Variants in KRT34 observed in about 807,000 individuals in gnomAD.
The protein encoded by KRT34 is keratin 34, also known as keratin, type I cuticular Ha4.
In KRT34, 31 loss-of-function variants were observed where a neutral mutation model predicts 41.7. That is an observed-to-expected ratio of 0.74 (90% CI 0.56 to 1.00). KRT34 has a LOEUF of 1.00. KRT34 is among the 50% of genes least tolerant of loss of function. KRT34 has a pLI of 0.00. For synonymous variants in KRT34, 224 were observed against 212.9 expected, an observed-to-expected ratio of 1.05 and a Z score of -0.45; for missense variants, 523 against 500.3, an observed-to-expected ratio of 1.05 and a Z score of -0.43.
chr17:41,382,504 G>A, upstream of KRT34: 1 of 769,762 alleles, frequency 1.3e-6, no homozygotes, highest in South Asian at 1.9e-5. Context: ...CTGGGTGCTA[G>A]TGGTTGGTGA....
chr17:41,380,654 G>T (rs1429340628), intron 3 of KRT34, among the ~76,000 whole-genome samples: 4 of 152,150 alleles, frequency 2.6e-5, no homozygotes, highest in Admixed American at 2.0e-4. Context: ...CATCTCATAT[G>T]GTACTTGTTT....
In KRT34 at chr17:41,379,420, G is replaced by A. The variant is rs112570296; in HGVS notation, c.809C>T (p.Ala270Val). The change falls in exon 5 of 7, where the codon GCG becomes GTG. Residue 270 changes from alanine to valine, a missense_variant. Transcript: ENST00000394001. ...TGTGCGTCTCAGCTCGATGATCTCCGCCTGGCAGGACTGCAGCTGCTCTGA... is the reference window on the plus strand; with the variant it reads ...TGTGCGTCTCAGCTCGATGATCTCCACCTGGCAGGACTGCAGCTGCTCTGA... ...SSSEQLQSCQ[A>V]EIIELRRTVN... The A allele has an allele frequency of 0.013, 21,476 of 1,613,944 alleles. 201 individuals carry two copies. The highest frequency in any genetic ancestry group is 0.014 in the Non-Finnish European group (16,980 of 1,180,028).
upstream of KRT34, among the ~76,000 whole-genome samples, chr17:41,383,344 C>T (rs2018035137): frequency 6.6e-6 from 1 of 152,158 alleles, no homozygotes; most frequent in South Asian, 2.1e-4. Flanking sequence ...GGAACACAGC[C>T]ATGCCCATTT....
upstream of KRT34, among the ~76,000 whole-genome samples, chr17:41,382,701 T>C (rs530771307): frequency 1.4e-3 from 206 of 152,298 alleles, 2 homozygotes; most frequent in Non-Finnish European, 2.3e-3. Flanking sequence ...GAGAGAGAGC[T>C]TTGAGAGTTA....
At chr17:41,379,757 A>G (rs756419013) in intron 3 of KRT34, 26 bp from the exon 4 acceptor site, 4 of 1,570,166 alleles carry the variant, frequency 2.5e-6, no homozygotes, top group Non-Finnish European at 3.4e-6. Context: ...GAAACAATGA[A>G]CCTACGGCAA....
intron 3 of KRT34, among the ~76,000 whole-genome samples, chr17:41,380,590 G>C (rs1272447587): frequency 1.3e-5 from 2 of 152,170 alleles, no homozygotes; most frequent in Non-Finnish European, 1.5e-5. Flanking sequence ...TCTGAGAAGA[G>C]TTCCCTATCT....
At chr17:41,383,403 G>A (rs997280639), upstream of KRT34, among the ~76,000 whole-genome samples, 2 of 152,182 alleles carry the variant, frequency 1.3e-5, no homozygotes, top group Non-Finnish European at 2.9e-5. Context: ...GCAGAGTTGT[G>A]TAGTTGTGAC....
In KRT34 at chr17:41,382,191, C is replaced by G. The variant is rs774452221; in HGVS notation, c.56G>C (p.Arg19Pro). 52 of 1,612,246 alleles carry G rather than the reference C, an allele frequency of 3.2e-5. No individual in the cohort carries two copies. The Admixed American group carries it at 7.7e-4, about 24-fold the overall frequency. ...SLGCRTSCSS[R>P]PCVPPSCHGY... ...GTGGCAGCTGGGGGGCACGCAGGGC[C>G]GGGAGGAGCAGCTGGTGCGGCAGCC... The change falls in exon 1 of 7, where the codon CGG becomes CCG. Residue 19 changes from arginine (R) to proline (P), a missense_variant. Transcript: ENST00000394001.
At chr17:41,381,519 A>G (rs149259833) in intron 2 of KRT34, among the ~76,000 whole-genome samples, 194 bp downstream of exon 2, 168 of 152,342 alleles carry the variant, frequency 1.1e-3, no homozygotes, top group African/African-American at 4.0e-3. Context: ...TTGTGGTTTA[A>G]GAAACACTTC....
intron 6 of KRT34, among the ~76,000 whole-genome samples, 180 bp downstream of exon 6, chr17:41,378,776 C>T (rs1380894314): frequency 6.6e-6 from 1 of 152,234 alleles, no homozygotes; most frequent in Non-Finnish European, 1.5e-5. Flanking sequence ...TGTTAGCCCC[C>T]TGAGATAGGG....
chr17:41,382,579 C>T (rs1040452382), upstream of KRT34, among the ~76,000 whole-genome samples: 4 of 152,138 alleles, frequency 2.6e-5, no homozygotes, highest in African/African-American at 9.7e-5. Flanking sequence ...AGGCTGTCTG[C>T]ATTACTCAGA....
chr17:41,378,457 T>C (rs2017887462), intron 6 of KRT34, among the ~76,000 whole-genome samples: 1 of 152,116 alleles, frequency 6.6e-6, no homozygotes, highest in Admixed American at 6.5e-5. Context: ...GCCTGGCTAA[T>C]TTTTTGTATT....
In KRT34 at chr17:41,381,812, C is replaced by G; in HGVS notation, c.349-17G>C. ...ACACAGAATCTGAAAAGAAATTTCT[C>G]TCATGAGGTACACTTGAACTTGAAA... On this transcript the variant is annotated splice_polypyrimidine_tract_variant and intron_variant, in intron 1 of 6. Transcript: ENST00000394001. 6.2e-7 allele frequency: 1 copy of G among 1,614,218 alleles called. No individual in the cohort carries two copies. Among genetic ancestry groups the G allele is most frequent in the Non-Finnish European group, 8.5e-7 (1 of 1,180,018 alleles).
upstream of KRT34, among the ~76,000 whole-genome samples, chr17:41,382,782 C>T (rs1429302210): frequency 6.6e-6 from 1 of 152,198 alleles, no homozygotes; most frequent in Admixed American, 6.5e-5. Context: ...ATAGCAGAAA[C>T]TCAACCTGTA....
intron 3 of KRT34, among the ~76,000 whole-genome samples, chr17:41,380,230 G>T (rs1054784974): frequency 1.3e-5 from 2 of 150,550 alleles, no homozygotes; most frequent in Non-Finnish European, 3.0e-5. Context: ...CTGCACTCCA[G>T]CCTGGTGACA....
chr17:41,379,877 T>C (rs1012034377), intron 3 of KRT34, 146 bp from the exon 4 acceptor site: 1 of 869,930 alleles, frequency 1.1e-6, no homozygotes, highest in Non-Finnish European at 1.7e-6. Context: ...TTTATAGCAA[T>C]AAACTCCAAC....
intron 3 of KRT34, 60 bp downstream of exon 3, chr17:41,380,996 C>A: frequency 6.6e-7 from 1 of 1,514,746 alleles, no homozygotes; most frequent in South Asian, 1.1e-5. Context: ...GTAATCCTCT[C>A]CTGATTCCCA....
At chr17:41,383,313 G>A (rs528351493), upstream of KRT34, among the ~76,000 whole-genome samples, 14 of 152,290 alleles carry the variant, frequency 9.2e-5, no homozygotes, top group African/African-American at 2.4e-4. Context: ...CAATGCGTCC[G>A]GCAGTAAATA....
At chr17:41,380,838 C>G (rs1485636505) in intron 3 of KRT34, among the ~76,000 whole-genome samples, 2 of 152,172 alleles carry the variant, frequency 1.3e-5, no homozygotes, top group African/African-American at 2.4e-5. Context: ...TGATGTCCCT[C>G]CTCAGTAATT....
Sources: gnomAD v4.1 joint callset for allele counts (sites outside exome capture counted in the v4.1 genomes callset) on GRCh38, gnomAD v4.1.1 for gene constraint, MANE v1.5 for transcripts, NCBI Gene and HGNC (gene_info 2026-07-23, HGNC 2026-07-21) for gene names.